Variants in GLIS3 observed in about 807,000 individuals in gnomAD.
GLIS3 encodes GLIS family zinc finger 3, also known as zinc finger protein GLIS3.
A neutral mutation model predicts 78.6 loss-of-function variants in GLIS3; 53 were observed. The ratio of observed to expected loss-of-function variants is 0.67; its 90% CI spans 0.54 to 0.85. The LOEUF is 0.85. Among genes scored for constraint, GLIS3 ranks in the 40% least tolerant of loss-of-function variants. GLIS3 has a pLI of 0.00. For missense variants in GLIS3, 1,703 were observed against 1,231.1 expected (o/e 1.38, Z -5.74); for synonymous variants, 684 against 509.9 (o/e 1.34, Z -4.60).
chr9:4,246,283 G>C (rs1214174240), intron 2 of GLIS3, among the ~76,000 whole-genome samples: 1 of 152,122 alleles, frequency 6.6e-6, no homozygotes, highest in African/African-American at 2.4e-5. Flanking sequence ...CATTTAAATG[G>C]TTAGTGATGC....
intron 2 of GLIS3, among the ~76,000 whole-genome samples, chr9:4,219,601 T>C (rs1821141942): frequency 6.6e-6 from 1 of 151,618 alleles, no homozygotes; most frequent in Admixed American, 6.5e-5. Flanking sequence ...CTCATACCCA[T>C]AGTGAACAGA....
At chr9:4,399,315 T>TA in the GLIS3 span, among the ~76,000 whole-genome samples, 2 of 152,214 alleles carry the variant, frequency 1.3e-5, no homozygotes, top group African/African-American at 2.4e-5. Context: ...ATTTATTTTT[T>TA]AAAAAAACTG....
rs780841378 is a variant in GLIS3 at position 3,898,654 on chromosome 9, G to C, written c.2128+37C>G. ...TAACCAGAGTAAAAGGCCTAAAAAAGGGTAGTTGTGGTTGGCTCTGCCTTT... is the reference window on the plus strand; with the variant it reads ...TAACCAGAGTAAAAGGCCTAAAAAACGGTAGTTGTGGTTGGCTCTGCCTTT... On this transcript the variant is annotated intron_variant, in intron 7 of 10. Transcript: ENST00000381971. 112 of 1,613,560 alleles carry C rather than the reference G, an allele frequency of 6.9e-5. No homozygotes were observed. The East Asian group carries it at 2.5e-3, about 36-fold the overall frequency.
At chr9:4,469,206 T>C in the GLIS3 span, among the ~76,000 whole-genome samples, 2 of 152,128 alleles carry the variant, frequency 1.3e-5, no homozygotes, top group Non-Finnish European at 2.9e-5. Flanking sequence ...AACACCCCAC[T>C]GTCAACATTA....
chr9:4,265,890 C>A (rs1233466352), intron 2 of GLIS3, among the ~76,000 whole-genome samples: 1 of 143,572 alleles, frequency 7.0e-6, no homozygotes, highest in Non-Finnish European at 1.5e-5. Context: ...AAAATGCACT[C>A]ACCCTGGTTT....
intron 2 of GLIS3, among the ~76,000 whole-genome samples, chr9:4,158,844 G>C (rs1241956392): frequency 6.6e-6 from 1 of 152,128 alleles, no homozygotes; most frequent in East Asian, 1.9e-4. Context: ...AAATAGATGA[G>C]ATGGGAGGCT....
intron 4 of GLIS3, among the ~76,000 whole-genome samples, chr9:4,048,624 G>C (rs966271629): frequency 6.6e-6 from 1 of 152,158 alleles, no homozygotes; most frequent in Non-Finnish European, 1.5e-5. Context: ...TCTTCAAAGA[G>C]AGCACAAAAG....
intron 3 of GLIS3, among the ~76,000 whole-genome samples, chr9:4,120,805 T>C (rs970174842): frequency 1.3e-5 from 2 of 152,212 alleles, no homozygotes; most frequent in Non-Finnish European, 2.9e-5. Flanking sequence ...GCATATTAGA[T>C]TGTTAAGTCA....
Position 4,118,857 on chromosome 9 carries a change from C to G in GLIS3, c.621G>C (p.Leu207Phe). 2 of 1,601,924 alleles carry G rather than the reference C, an allele frequency of 1.2e-6. No homozygotes were observed. Among genetic ancestry groups the G allele is most frequent in the Non-Finnish European group, 1.7e-6 (2 of 1,179,878 alleles). The change falls in exon 4 of 11, where the codon TTG (leucine) becomes TTC (phenylalanine). Residue 207 changes from leucine to phenylalanine, a missense_variant. Coordinates refer to ENST00000381971, the MANE Select transcript of GLIS3 (RefSeq NM_001042413.2). This position sits in a 1 kb window ranked among gnomAD's most constrained non-coding sequence, Gnocchi z 4.7. ...CCGTCAGACTCAAGGTCGTGGACGC[C>G]AAAGACTCACGCGAAATAAGGGACC... is the stretch of plus-strand genomic sequence containing the variant. Reference protein sequence around the residue: ...DTRSLISRESLASTTLSLTES... With the variant: ...DTRSLISRESFASTTLSLTES...
intron 9 of GLIS3, among the ~76,000 whole-genome samples, chr9:3,854,566 T>C (rs543363479): frequency 1.3e-5 from 2 of 151,302 alleles, no homozygotes; most frequent in African/African-American, 4.8e-5. Context: ...AGACAGAGTC[T>C]CGCTCTGTCA....
At chr9:4,235,583 G>A (rs1418834102) in intron 2 of GLIS3, among the ~76,000 whole-genome samples, 2 of 152,124 alleles carry the variant, frequency 1.3e-5, no homozygotes, top group Non-Finnish European at 2.9e-5. Context: ...CTCTAGACTA[G>A]CACCCTTTCC....
intron 4 of GLIS3, among the ~76,000 whole-genome samples, chr9:4,057,873 C>A (rs138728182): frequency 1.3e-5 from 2 of 152,092 alleles, no homozygotes; most frequent in African/African-American, 4.8e-5. Context: ...AAGATGTACA[C>A]GGCCTCGCTA....
Position 4,175,814 on chromosome 9 carries a change from A to G in GLIS3, c.389-49873T>C, listed in dbSNP as rs553938537. On this transcript the variant is annotated intron_variant, in intron 2 of 10. Transcript: ENST00000381971. The stretch of plus-strand genomic sequence containing the variant: ...ATTCATGCACTGTATTAGGCATATT[A>G]CATGTCTTTTTTTGGTTCGGTAACC... 1.4e-4 allele frequency among the ~76,000 whole-genome samples: 22 copies of G among 152,332 alleles called. 1 individual carries two copies. In the South Asian group the frequency reaches 4.6e-3, roughly 32 times the overall value.
chr9:4,313,870 T>C (rs1326987806), intron 2 of GLIS3, among the ~76,000 whole-genome samples: 1 of 152,192 alleles, frequency 6.6e-6, no homozygotes, highest in Non-Finnish European at 1.5e-5. Context: ...CTTTTACACC[T>C]CTATCTGATT....
chr9:3,910,426 T>C (rs1000234156), intron 6 of GLIS3, among the ~76,000 whole-genome samples: 19 of 152,222 alleles, frequency 1.2e-4, no homozygotes, highest in African/African-American at 4.3e-4. Flanking sequence ...CATGACTCAC[T>C]GCAGCCTCAA....
chr9:4,077,215 ATAGCT>A (rs1828150743), intron 4 of GLIS3, among the ~76,000 whole-genome samples: 1 of 152,226 alleles, frequency 6.6e-6, no homozygotes, highest in Non-Finnish European at 1.5e-5. Context: ...TAATAACCTT[ATAGCT>A]TAATTTCTAG....
the GLIS3 span, among the ~76,000 whole-genome samples, chr9:4,407,406 G>A: frequency 2.0e-5 from 3 of 152,246 alleles, no homozygotes; most frequent in African/African-American, 4.8e-5. Flanking sequence ...AGCACTTCGG[G>A]AGGCCGAGGC....
chr9:4,194,810 C>T (rs1818659794), intron 2 of GLIS3, among the ~76,000 whole-genome samples: 1 of 152,152 alleles, frequency 6.6e-6, no homozygotes, highest in South Asian at 2.1e-4. Flanking sequence ...TTTCCCAAGC[C>T]CTGGAGCTAA....
the GLIS3 span, among the ~76,000 whole-genome samples, chr9:4,482,458 G>A: frequency 1.3e-5 from 2 of 152,164 alleles, no homozygotes; most frequent in South Asian, 2.1e-4. Context: ...GTCTAGCTGC[G>A]CTGACACCAT....
Sources: gnomAD v4.1 joint callset for allele counts (sites outside exome capture counted in the v4.1 genomes callset) on GRCh38, gnomAD v4.1.1 for gene constraint, Gnocchi (gnomAD v3.1) non-coding constraint, MANE v1.5 for transcripts, NCBI Gene and HGNC (gene_info 2026-07-23, HGNC 2026-07-21) for gene names.